The following SYNE2 variants were observed in gnomAD, a reference collection of about 807,000 sequenced individuals.
SYNE2 encodes nesprin-2.
In SYNE2, 431 loss-of-function variants were observed where a neutral mutation model predicts 856.3. The ratio of observed to expected loss-of-function variants is 0.50; its 90% confidence interval spans 0.47 to 0.55. The LOEUF (loss-of-function observed/expected upper bound fraction) is 0.55. Among genes scored for constraint, SYNE2 ranks in the 20% least tolerant of loss-of-function variants. The probability of loss-of-function intolerance (pLI) is 0.00; values close to 1 mark genes in which losing one functional copy is unlikely to be tolerated. For missense variants in SYNE2, 8,129 were observed against 8,023.2 expected, an observed-to-expected ratio of 1.01 and a Z score of -0.50; for synonymous variants, 2,923 against 2,872.3, an observed-to-expected ratio of 1.02 and a Z score of -0.56.
intron 103 of SYNE2, 122 bp from the exon 104 acceptor site, chr14:64,211,839 G>A: frequency 7.0e-7 from 1 of 1,428,180 alleles, no homozygotes; most frequent in Non-Finnish European, 9.8e-7. Flanking sequence ...GGGTACCCTA[G>A]AGGCAGATTT....
intron 1 of SYNE2, among the ~76,000 whole-genome samples, chr14:63,815,562 C>T (rs894931825): frequency 5.3e-5 from 8 of 152,064 alleles, no homozygotes; most frequent in African/African-American, 1.9e-4. Context: ...TGTTAATCTC[C>T]TTTGGTAACA....
intron 57 of SYNE2, among the ~76,000 whole-genome samples, chr14:64,085,299 A>C (rs1471908550): frequency 2.0e-5 from 3 of 152,166 alleles, no homozygotes; most frequent in Non-Finnish European, 4.4e-5. Flanking sequence ...CAGTCTTTGT[A>C]ATCTAACCTT....
intron 84 of SYNE2, among the ~76,000 whole-genome samples, chr14:64,150,993 C>T (rs143467497): frequency 4.6e-5 from 7 of 152,144 alleles, no homozygotes; most frequent in East Asian, 1.9e-4. Flanking sequence ...TGGATTGTTA[C>T]GACAGTGAGA....
intron 84 of SYNE2, among the ~76,000 whole-genome samples, chr14:64,152,092 A>C (rs1380242086): frequency 6.6e-6 from 1 of 152,210 alleles, no homozygotes; most frequent in Non-Finnish European, 1.5e-5. Context: ...AAAATGATTA[A>C]AGTTATTACT....
At chr14:63,764,644 C>T (rs1169186476) in intron 1 of SYNE2, among the ~76,000 whole-genome samples, 3 of 151,268 alleles carry the variant, frequency 2.0e-5, no homozygotes, top group Non-Finnish European at 4.4e-5. Context: ...ATACATGTGC[C>T]ATGGTGGTTT....
chr14:63,980,466 AC>A (rs2096577151), intron 14 of SYNE2, among the ~76,000 whole-genome samples, 187 bp from the exon 15 acceptor site: 1 of 152,198 alleles, frequency 6.6e-6, no homozygotes, highest in African/African-American at 2.4e-5. Flanking sequence ...TTTAATGTTC[AC>A]ACTCAGCTTA....
intron 17 of SYNE2, 150 bp downstream of exon 17, chr14:63,982,944 C>A: frequency 1.3e-6 from 1 of 795,230 alleles, no homozygotes; most frequent in Non-Finnish European, 2.0e-6. Context: ...TTTATTACTT[C>A]ATAAGGAAAC....
At chr14:64,216,438 A>G in intron 108 of SYNE2, 51 bp downstream of exon 108, 1 of 1,594,846 alleles carries the variant, frequency 6.3e-7, no homozygotes, top group South Asian at 1.1e-5. Flanking sequence ...AGTCATACTT[A>G]CATTTGCAAG....
chr14:64,177,151 G>C (rs939498464), intron 95 of SYNE2, among the ~76,000 whole-genome samples: 11 of 152,180 alleles, frequency 7.2e-5, no homozygotes, highest in Non-Finnish European at 1.3e-4. Context: ...TGAGCCACAG[G>C]TAAAGCTGCA....
At chr14:64,094,350 A>G (rs571777713) in intron 61 of SYNE2, among the ~76,000 whole-genome samples, 4 of 152,154 alleles carry the variant, frequency 2.6e-5, no homozygotes, top group Non-Finnish European at 5.9e-5. Flanking sequence ...ATTAAAAAAA[A>G]TAAAAAATAA....
chr14:63,893,479 A>T lies in SYNE2; in HGVS notation c.-51-15619A>T, dbSNP rs529865456. Among the ~76,000 whole-genome samples, 4 of 152,282 alleles carry T rather than the reference A, an allele frequency of 2.6e-5. No homozygotes were observed. In the East Asian group the frequency reaches 7.7e-4, roughly 29 times the overall value. On this transcript the variant is annotated intron_variant, in intron 1 of 115. Coordinates refer to ENST00000555002, the MANE Select transcript of SYNE2 (RefSeq NM_182914.3). ...TCTACTCAGGAGGCTGAGGTGGATC[A>T]CTTGAGCCTGGGAGGTTGAGGCTGC...
chr14:63,769,427 G>A (rs769354556), intron 1 of SYNE2, among the ~76,000 whole-genome samples: 17 of 152,126 alleles, frequency 1.1e-4, no homozygotes, highest in Non-Finnish European at 2.5e-4. Context: ...CCGCACTTTG[G>A]GAGGCCGAGA....
In SYNE2 at chr14:64,101,918, G is replaced by C. The variant is rs77622144; in HGVS notation, c.12382-14G>C. On this transcript the variant is annotated splice_polypyrimidine_tract_variant and intron_variant, in intron 63 of 115. Transcript: ENST00000555002. ...AAGCTCTTCCCTTTGCTAACCAATCGTTTACTGTGATAGAATGGAGATGAG... is the reference window on the plus strand; with the variant it reads ...AAGCTCTTCCCTTTGCTAACCAATCCTTTACTGTGATAGAATGGAGATGAG... 6.2e-7 allele frequency: 1 copy of C among 1,600,140 alleles called. No individual in the cohort carries two copies. Among genetic ancestry groups the C allele is most frequent in the Non-Finnish European group, 8.6e-7 (1 of 1,167,388 alleles).
At chr14:64,213,244 G>A (rs747395514) in intron 105 of SYNE2, among the ~76,000 whole-genome samples, 6 of 152,172 alleles carry the variant, frequency 3.9e-5, no homozygotes, top group Non-Finnish European at 5.9e-5. Context: ...CATGCTCCAC[G>A]AGTCGCTTTT....
Position 64,162,237 on chromosome 14 carries a change from C to T in SYNE2, c.16260C>T (p.Asn5420=). The T allele has an allele frequency of 6.2e-7, 1 of 1,614,212 alleles. No individual in the cohort carries two copies. Among genetic ancestry groups the T allele is most frequent in the East Asian group, 2.2e-5 (1 of 44,884 alleles). ...QLANISMSGN[N]LAEILPPALQ... is the part of the protein sequence containing the mutation. ...CAAACATCAGCATGTCTGGAAACAA[C>T]CTGGCAGAGATCCTGCCCCCAGCCC... The change falls in exon 88 of 116, where the codon AAC becomes AAT. Residue 5420 remains asparagine (N), a synonymous_variant. Transcript: ENST00000555002.
rs2097892837 is a variant in SYNE2, at chr14:64,120,826, T to C, written c.13024-101T>C. On this transcript the variant is annotated intron_variant, in intron 67 of 115. Coordinates refer to ENST00000555002, the MANE Select transcript of SYNE2 (RefSeq NM_182914.3). The stretch of plus-strand genomic sequence containing the variant: ...GCAAATAACAAAATACCATCATTTA[T>C]TTCATGTAAAATTTTTCTATGTAGT... 3 of 1,233,712 alleles carry C rather than the reference T, an allele frequency of 2.4e-6. No homozygotes were observed. The East Asian group carries it at 7.0e-5, about 29-fold the overall frequency. The allele number at this position is 1,233,712 out of a possible 1,614,324, so 76.4% of individuals were successfully genotyped here. A position where few individuals can be genotyped will look rare whatever the true frequency, so the allele number is the denominator to read the frequency against.
chr14:64,049,869 C>G lies in SYNE2; in HGVS notation c.7636C>G (p.Leu2546Val), dbSNP rs2097211997. Residue 2546 changes from leucine (L) to valine (V), a missense_variant, in exon 47 of 116, where the codon CTT (leucine) becomes GTT (valine). Around this residue, in one of 3 missense-constraint regions of SYNE2, gnomAD observed 5,410 missense variants for 5,284.8 expected, o/e 1.02. Coordinates refer to ENST00000555002, the MANE Select transcript of SYNE2 (RefSeq NM_182914.3). Reference protein sequence around the residue: ...MKALLTDKESLKVGPLDSVTY... With the variant: ...MKALLTDKESVKVGPLDSVTY... ...AGCCTTGTTGACAGACAAGGAAAGT[C>G]TTAAAGTGTAAGTGTAAGAATTTAG... 6.2e-7 allele frequency: 1 copy of G among 1,613,948 alleles called. No individual in the cohort carries two copies. Among genetic ancestry groups the G allele is most frequent in the Non-Finnish European group, 8.5e-7 (1 of 1,179,930 alleles).
At chr14:63,955,645 T>C (rs1168641153) in intron 8 of SYNE2, among the ~76,000 whole-genome samples, 1 of 152,188 alleles carries the variant, frequency 6.6e-6, no homozygotes, top group Non-Finnish European at 1.5e-5. Context: ...TACTGGGGTG[T>C]GTATACAAAT....
rs1204839640 is a variant in SYNE2 at position 64,100,531 on chromosome 14, A to AATATAT, written c.12382-1366_12382-1361dup. Among the ~76,000 whole-genome samples the AATATAT allele has an allele frequency of 5.8e-3, 228 of 39,346 alleles. 5 individuals are homozygous for AATATAT. Among genetic ancestry groups the AATATAT allele is most frequent in the Non-Finnish European group, 8.3e-3 (178 of 21,398 alleles). The allele number at this position is 39,346 out of a possible 152,430, so 25.8% of individuals were successfully genotyped here. ...AACTGTCTCAAAAAAAAAAAAAAAA[A>AATATAT]ATATATATATATATATATATATATA... On this transcript the variant is annotated intron_variant, in intron 63 of 115. Coordinates refer to ENST00000555002, the MANE Select transcript of SYNE2 (RefSeq NM_182914.3).
Sources: allele counts gnomAD v4.1 joint callset (sites outside exome capture counted in the v4.1 genomes callset), GRCh38; gene constraint gnomAD v4.1.1; regional missense constraint gnomAD v4.1.1; transcripts MANE v1.5; gene names NCBI Gene and HGNC (gene_info 2026-07-23, HGNC 2026-07-21).